NADK2: variants seen among roughly 807,000 people sequenced by gnomAD.
NADK2 encodes the protein NAD kinase 2, mitochondrial.
NADK2 carries 35 observed loss-of-function variants against 62.1 expected under a neutral mutation model. The ratio of observed to expected loss-of-function variants is 0.56; its 90% CI spans 0.43 to 0.75. The LOEUF (loss-of-function observed/expected upper bound fraction) is 0.75, where lower values mean the gene tolerates loss of function less well. Among genes scored for constraint, NADK2 ranks in the 30% least tolerant of loss-of-function variants. NADK2 has a pLI of 0.00. For synonymous variants in NADK2, 205 were observed against 207.9 expected, an observed-to-expected ratio of 0.99 and a Z score of 0.12; for missense variants, 439 against 561.3, an observed-to-expected ratio of 0.78 and a Z score of 2.20.
chr5:36,230,137 C>T (rs1216913441), intron 1 of NADK2, among the ~76,000 whole-genome samples: 1 of 152,070 alleles, frequency 6.6e-6, no homozygotes, highest in Non-Finnish European at 1.5e-5. Flanking sequence ...CAGCTTAATG[C>T]CCTTCTACAA....
intron 3 of NADK2, among the ~76,000 whole-genome samples, chr5:36,226,211 C>CA (rs972951407): frequency 6.6e-6 from 1 of 152,000 alleles, no homozygotes; most frequent in African/African-American, 2.4e-5. Flanking sequence ...ATAATTATAC[C>CA]AAAATACAAT....
intron 1 of NADK2, among the ~76,000 whole-genome samples, chr5:36,240,223 A>T (rs1440228005): frequency 6.6e-6 from 1 of 152,202 alleles, no homozygotes; most frequent in Non-Finnish European, 1.5e-5. Context: ...TGTATTCTAT[A>T]AACAGTCATT....
chr5:36,200,585 C>A (rs1579597269), intron 9 of NADK2, among the ~76,000 whole-genome samples: 1 of 151,888 alleles, frequency 6.6e-6, no homozygotes. Flanking sequence ...TTATAGAAAT[C>A]AACAATTCAT....
At chr5:36,233,978 A>T (rs972205666) in intron 1 of NADK2, among the ~76,000 whole-genome samples, 1 of 152,250 alleles carries the variant, frequency 6.6e-6, no homozygotes, top group South Asian at 2.1e-4. Context: ...CTAAATGCTT[A>T]TGGAAAAAAT....
At chr5:36,203,538 G>C (rs1746523743) in intron 8 of NADK2, among the ~76,000 whole-genome samples, 1 of 152,028 alleles carries the variant, frequency 6.6e-6, no homozygotes, top group South Asian at 2.1e-4. Flanking sequence ...GATATAGCTT[G>C]TGAGAAAGAC....
intron 1 of NADK2, among the ~76,000 whole-genome samples, chr5:36,237,719 T>G (rs1747960333): frequency 6.6e-6 from 1 of 152,212 alleles, no homozygotes; most frequent in South Asian, 2.1e-4. Flanking sequence ...GGGACTTATC[T>G]GCCATTCTAA....
chr5:36,200,888 G>A (rs1018682640), intron 9 of NADK2, among the ~76,000 whole-genome samples: 1 of 151,994 alleles, frequency 6.6e-6, no homozygotes, highest in Non-Finnish European at 1.5e-5. Flanking sequence ...ACATGAACAG[G>A]TGAAAGTTTT....
intron 6 of NADK2, among the ~76,000 whole-genome samples, chr5:36,216,123 G>A (rs1452392665): frequency 1.3e-5 from 2 of 151,804 alleles, no homozygotes; most frequent in African/African-American, 2.4e-5. Context: ...TTTTGATAAC[G>A]GCCATTCTAA....
chr5:36,226,260 C>T (rs927339368), intron 3 of NADK2, among the ~76,000 whole-genome samples: 1 of 152,080 alleles, frequency 6.6e-6, no homozygotes, highest in African/African-American at 2.4e-5. Flanking sequence ...TAAATGCATA[C>T]CTTAAATATG....
intron 5 of NADK2, 36 bp from the exon 6 acceptor site, chr5:36,217,920 A>G (rs1306006800): frequency 6.3e-7 from 1 of 1,584,886 alleles, no homozygotes; most frequent in Non-Finnish European, 8.6e-7. Flanking sequence ...TTATGTTAAA[A>G]TAGAATAAAT....
intron 7 of NADK2, among the ~76,000 whole-genome samples, chr5:36,209,470 A>C (rs1746760063): frequency 6.6e-6 from 1 of 152,160 alleles, no homozygotes; most frequent in Non-Finnish European, 1.5e-5. Context: ...TCCCTGAAGT[A>C]AGCATAAACT....
intron 7 of NADK2, among the ~76,000 whole-genome samples, chr5:36,210,662 T>A (rs1424439233): frequency 6.6e-6 from 1 of 152,236 alleles, no homozygotes; most frequent in African/African-American, 2.4e-5. Flanking sequence ...AAGGAAGTGT[T>A]CTTAAATTTA....
chr5:36,211,511 C>T (rs968329876), intron 7 of NADK2, among the ~76,000 whole-genome samples: 8 of 150,886 alleles, frequency 5.3e-5, no homozygotes, highest in Non-Finnish European at 7.4e-5. Context: ...GCCAAGATCA[C>T]GCCACTGCAA....
chr5:36,235,582 G>A (rs922910803), intron 1 of NADK2, among the ~76,000 whole-genome samples: 2 of 152,134 alleles, frequency 1.3e-5, no homozygotes, highest in Non-Finnish European at 2.9e-5. Context: ...ATCTTCTGCT[G>A]TTAAAGCAGG....
chr5:36,235,791 G>C (rs1421198194), intron 1 of NADK2, among the ~76,000 whole-genome samples: 1 of 151,926 alleles, frequency 6.6e-6, no homozygotes, highest in Non-Finnish European at 1.5e-5. Flanking sequence ...AGGAAGAGGA[G>C]AGCCAATTGG....
chr5:36,220,810 A>G (rs1747237133), intron 4 of NADK2, among the ~76,000 whole-genome samples: 1 of 152,200 alleles, frequency 6.6e-6, no homozygotes, highest in Non-Finnish European at 1.5e-5. Flanking sequence ...TAGCACGACC[A>G]CTTCCAGGGT....
At chr5:36,215,903 G>A (rs1747024699) in intron 6 of NADK2, among the ~76,000 whole-genome samples, 2 of 152,124 alleles carry the variant, frequency 1.3e-5, no homozygotes, top group African/African-American at 4.8e-5. Flanking sequence ...TCAAACATGA[G>A]GCGCCAGTAT....
chr5:36,214,181 C>A (rs1281684910), intron 6 of NADK2, among the ~76,000 whole-genome samples: 2 of 152,018 alleles, frequency 1.3e-5, no homozygotes, highest in Non-Finnish European at 2.9e-5. Context: ...AGACTCCATA[C>A]CAATTACTTT....
chr5:36,234,348 G>A (rs1333316593), intron 1 of NADK2, among the ~76,000 whole-genome samples: 2 of 136,986 alleles, frequency 1.5e-5, no homozygotes, highest in Non-Finnish European at 3.0e-5. Flanking sequence ...ACTCCAGCCT[G>A]GGCGACAGAG....
Sources: gnomAD v4.1 joint callset for allele counts (sites outside exome capture counted in the v4.1 genomes callset) on GRCh38, gnomAD v4.1.1 for gene constraint, MANE v1.5 for transcripts, NCBI Gene and HGNC (gene_info 2026-07-23, HGNC 2026-07-21) for gene names.